PDSS1: variants seen among roughly 807,000 people sequenced by gnomAD.
PDSS1 encodes all trans-polyprenyl-diphosphate synthase PDSS1.
A neutral mutation model predicts 57.5 loss-of-function variants in PDSS1; 43 were observed. That is an observed-to-expected ratio of 0.75 (90% CI 0.59 to 0.96). The LOEUF (loss-of-function observed/expected upper bound fraction) is 0.96, where lower values mean the gene tolerates loss of function less well. Among genes scored for constraint, PDSS1 ranks in the 50% least tolerant of loss-of-function variants. PDSS1 has a pLI of 0.00. For synonymous variants in PDSS1, 175 were observed against 191.3 expected (o/e 0.91, Z 0.70); for missense variants, 438 against 527.8 (o/e 0.83, Z 1.67).
At chr10:26,726,334 G>A (rs1162144952) in intron 8 of PDSS1, among the ~76,000 whole-genome samples, 1 of 152,198 alleles carries the variant, frequency 6.6e-6, no homozygotes, top group Non-Finnish European at 1.5e-5. Context: ...TCCTTTTCAT[G>A]TGGTTTATTC....
chr10:26,709,381 G>A (rs764439178), intron 4 of PDSS1, among the ~76,000 whole-genome samples: 1 of 152,162 alleles, frequency 6.6e-6, no homozygotes, highest in Non-Finnish European at 1.5e-5. Context: ...CCAACGTGGT[G>A]AAATCCCGTC....
intron 5 of PDSS1, among the ~76,000 whole-genome samples, chr10:26,718,496 C>T (rs537869410): frequency 6.6e-6 from 1 of 152,048 alleles, no homozygotes; most frequent in Non-Finnish European, 1.5e-5. Context: ...CGTGGTGGCT[C>T]ACACCTGTAA....
intron 1 of PDSS1, among the ~76,000 whole-genome samples, chr10:26,701,326 G>C (rs897458022): frequency 1.3e-5 from 2 of 152,252 alleles, no homozygotes; most frequent in Non-Finnish European, 2.9e-5. Context: ...ATAGCCAAGA[G>C]AATGGGGAAA....
chr10:26,712,384 T>C (rs1835429703), intron 5 of PDSS1, among the ~76,000 whole-genome samples: 1 of 99,746 alleles, frequency 1.0e-5, no homozygotes, highest in African/African-American at 3.3e-5. Flanking sequence ...ACAAAAGCCA[T>C]TGCTAGTTTA....
At position 26,727,223 on chromosome 10, in the gene PDSS1, A is replaced by T. The variant is rs150852923; in HGVS notation, c.831+3100A>T. Among the ~76,000 whole-genome samples, 43 of 152,264 alleles carry T rather than the reference A, an allele frequency of 2.8e-4. No homozygotes were observed. In the East Asian group the frequency reaches 7.9e-3, roughly 28 times the overall value. The stretch of plus-strand genomic sequence containing the variant: ...TTTCCCAGGAAATCTGGTGGAAATG[A>T]GACCTGAGAGGTCAGAGGGCCTGTC... On this transcript the variant is annotated intron_variant, in intron 8 of 11. Coordinates refer to ENST00000376215, the MANE Select transcript of PDSS1 (RefSeq NM_014317.5).
At chr10:26,701,816 G>A in intron 1 of PDSS1, 2 of 454,184 alleles carry the variant, frequency 4.4e-6, no homozygotes, top group Non-Finnish European at 8.8e-6. Flanking sequence ...CCCCAGAATG[G>A]TAGGTCCACC....
chr10:26,697,733 TGGCGGCGCGGCTGCTCCTGGAAGCC>T lies in PDSS1; in HGVS notation c.33_57del (p.Cys12AlafsTer42), dbSNP rs1252856988. ...GACCATGGCCTCGCGCTGGTGGCGG[TGGCGGCGCGGCTGCTCCTGGAAGCC>T]GGCGGCGCGGAGCCCCGGGCCCGGC... On this transcript the variant is annotated frameshift_variant, in exon 1 of 12. Transcript: ENST00000376215. LOFTEE classifies it high-confidence loss of function. The T allele has an allele frequency of 2.3e-6, 3 of 1,296,286 alleles. No homozygotes were observed. The highest frequency in any genetic ancestry group is 1.6e-5 in the African/African-American group (1 of 64,490). 80.3% of individuals were successfully genotyped at this position (1,296,286 alleles called of 1,614,324 possible). A position where few individuals can be genotyped will look rare whatever the true frequency, so the allele number is the denominator to read the frequency against.
intron 1 of PDSS1, among the ~76,000 whole-genome samples, chr10:26,701,007 G>C (rs1835035860): frequency 6.6e-6 from 1 of 152,204 alleles, no homozygotes; most frequent in South Asian, 2.1e-4. Flanking sequence ...AATGCTGAAA[G>C]TGATATGGAC....
intron 10 of PDSS1, among the ~76,000 whole-genome samples, chr10:26,737,478 A>C (rs1404722119): frequency 6.6e-6 from 1 of 152,142 alleles, no homozygotes; most frequent in Non-Finnish European, 1.5e-5. Flanking sequence ...CATGCCTGTA[A>C]TCCCAGCACT....
chr10:26,721,844 A>C (rs571351462), intron 6 of PDSS1, among the ~76,000 whole-genome samples: 4 of 152,194 alleles, frequency 2.6e-5, no homozygotes, highest in Non-Finnish European at 4.4e-5. Flanking sequence ...TCAAGGACAC[A>C]TGTGCCGCCT....
chr10:26,734,494 G>A (rs1006071322), intron 8 of PDSS1, among the ~76,000 whole-genome samples: 2 of 152,130 alleles, frequency 1.3e-5, no homozygotes, highest in African/African-American at 2.4e-5. Flanking sequence ...TTCAGTGGCC[G>A]GTGCCAGCTA....
rs11015248 is a variant in PDSS1 at position 26,720,079 on chromosome 10, G to A, written c.468-139G>A. 5,721 of 1,237,172 alleles carry A rather than the reference G, an allele frequency of 4.6e-3. 176 individuals carry two copies. The African/African-American group carries it at 0.071, about 15-fold the overall frequency. 76.6% of individuals were successfully genotyped at this position (1,237,172 alleles called of 1,614,324 possible). A position where few individuals can be genotyped will look rare whatever the true frequency, so the allele number is the denominator to read the frequency against. ...GTAAATGTATAGAAATGGCTGTGTG[G>A]TGAAGCCAGAGTTTTTATACCGTTT... On this transcript the variant is annotated intron_variant, in intron 5 of 11. Transcript: ENST00000376215.
rs1473236456 is a variant in PDSS1 at position 26,723,879 on chromosome 10, T to C, written c.683T>C (p.Ile228Thr). ...GCACGAATTGGAAATACAACTGTTA[T>C]ATCTATTTTAACCCAAGTTATTGAA... The part of the protein sequence containing the change: ...ALARIGNTTV[I>T]SILTQVIEDL... The change falls in exon 7 of 12, where the codon ATA (isoleucine) becomes ACA (threonine). Residue 228 changes from isoleucine (I) to threonine (T), a missense_variant. Ile to Thr is a moderately conservative substitution (Grantham distance 89). Coordinates refer to ENST00000376215, the MANE Select transcript of PDSS1 (RefSeq NM_014317.5). The C allele has an allele frequency of 3.8e-5, 61 of 1,612,818 alleles. No individual in the cohort carries two copies. Among genetic ancestry groups the C allele is most frequent in the Admixed American group, 5.0e-5 (3 of 60,000 alleles).
At chr10:26,730,069 C>G (rs1342001808) in intron 8 of PDSS1, among the ~76,000 whole-genome samples, 1 of 151,658 alleles carries the variant, frequency 6.6e-6, no homozygotes, top group Admixed American at 6.6e-5. Flanking sequence ...CCCGCTACCA[C>G]GCCCGGCTAA....
chr10:26,713,991 C>T (rs1264474484), intron 5 of PDSS1, among the ~76,000 whole-genome samples: 13 of 152,110 alleles, frequency 8.5e-5, no homozygotes. Flanking sequence ...TTGATTCCAG[C>T]TCAGCTTCTC....
chr10:26,702,146 GT>G lies in PDSS1; in HGVS notation c.130-11del. On this transcript the variant is annotated splice_polypyrimidine_tract_variant and intron_variant, in intron 1 of 11. Transcript: ENST00000376215. ...TTGTATCTTGGATGTAACGTAACTT[GT>G]TTTTGATTTTACAGGTTCATAGGCG... 2.2e-6 allele frequency: 1 copy of G among 456,444 alleles called. No individual in the cohort carries two copies. 28.3% of individuals were successfully genotyped at this position (456,444 alleles called of 1,614,324 possible).
At chr10:26,743,795 G>C (rs1836710171) in intron 11 of PDSS1, among the ~76,000 whole-genome samples, 1 of 152,158 alleles carries the variant, frequency 6.6e-6, no homozygotes, top group Non-Finnish European at 1.5e-5. Context: ...TTCACCCACA[G>C]AGCTTCTAGG....
chr10:26,723,027 G>T (rs761809691), intron 6 of PDSS1, among the ~76,000 whole-genome samples: 1 of 151,914 alleles, frequency 6.6e-6, no homozygotes, highest in Non-Finnish European at 1.5e-5. Context: ...TCTGGGGTGT[G>T]CTCAGTACTA....
intron 8 of PDSS1, among the ~76,000 whole-genome samples, chr10:26,731,077 C>T (rs1396515267): frequency 6.6e-6 from 1 of 152,004 alleles, no homozygotes. Flanking sequence ...CGTGGTGGCA[C>T]ACACCTGTAA....
Sources: gnomAD v4.1 joint callset for allele counts (sites outside exome capture counted in the v4.1 genomes callset) on GRCh38, gnomAD v4.1.1 for gene constraint, MANE v1.5 for transcripts, NCBI Gene and HGNC (gene_info 2026-07-23, HGNC 2026-07-21) for gene names.